MGAM2: variants seen among roughly 807,000 people sequenced by gnomAD.
MGAM2 encodes the protein probable maltase-glucoamylase 2.
In MGAM2, 98 loss-of-function variants were observed where a neutral mutation model predicts 96.1. The observed-to-expected ratio is 1.02, with a 90% confidence interval of 0.87 to 1.21. The LOEUF (loss-of-function observed/expected upper bound fraction) is 1.21. Among genes scored for constraint, MGAM2 ranks in the 50% most tolerant of loss-of-function variants. The pLI is 0.00. For missense variants in MGAM2, 2,055 were observed against 1,182.4 expected, an observed-to-expected ratio of 1.74 and a Z score of -10.82; for synonymous variants, 749 against 414.8, an observed-to-expected ratio of 1.81 and a Z score of -9.79.
At chr7:142,161,334 G>A (rs1465428571) in intron 22 of MGAM2, 121 bp downstream of exon 22, 3 of 526,526 alleles carry the variant, frequency 5.7e-6, no homozygotes, top group African/African-American at 3.8e-5. Flanking sequence ...CTGTAGCTGA[G>A]AATCAACGGG....
chr7:142,133,933 G>A (rs1448445435), intron 6 of MGAM2, 48 bp from the exon 7 acceptor site: 1 of 657,286 alleles, frequency 1.5e-6, no homozygotes, highest in Non-Finnish European at 2.8e-6. Context: ...CCTGGCAGAG[G>A]AAAGAGTGTT....
At chr7:142,175,092 A>G (rs1464296909) in intron 31 of MGAM2, among the ~76,000 whole-genome samples, 3 of 152,080 alleles carry the variant, frequency 2.0e-5, no homozygotes, top group African/African-American at 7.2e-5. Context: ...GTGGTGAGAG[A>G]GGACATCCTT....
chr7:142,116,393 A>G (rs985761745), intron 1 of MGAM2, among the ~76,000 whole-genome samples: 2 of 152,206 alleles, frequency 1.3e-5, no homozygotes, highest in African/African-American at 4.8e-5. Context: ...ACGTTTAAAC[A>G]GTCTCAACAG....
chr7:142,163,139 G>A (rs1016525750), intron 23 of MGAM2, among the ~76,000 whole-genome samples: 9 of 152,092 alleles, frequency 5.9e-5, no homozygotes, highest in African/African-American at 1.9e-4. Flanking sequence ...TTGCTGAGTG[G>A]TGTTCCAAGT....
intron 32 of MGAM2, among the ~76,000 whole-genome samples, chr7:142,178,516 G>C (rs1469154206): frequency 6.6e-6 from 1 of 152,082 alleles, no homozygotes; most frequent in African/African-American, 2.4e-5. Flanking sequence ...AATCTATCTT[G>C]AGTTAATTTT....
intron 46 of MGAM2, among the ~76,000 whole-genome samples, chr7:142,214,609 C>T (rs1797690366): frequency 6.6e-6 from 1 of 152,146 alleles, no homozygotes; most frequent in South Asian, 2.1e-4. Flanking sequence ...TGAAGGACCT[C>T]TTCAAGGAGA....
At chr7:142,175,877 T>C (rs943994771) in intron 32 of MGAM2, 97 bp downstream of exon 32, 15 of 642,710 alleles carry the variant, frequency 2.3e-5, no homozygotes, top group Non-Finnish European at 3.7e-5. Flanking sequence ...GTACCAGAAA[T>C]GTTCCTGTAC....
intron 12 of MGAM2, among the ~76,000 whole-genome samples, chr7:142,141,959 G>A (rs1337993651): frequency 6.6e-6 from 1 of 152,150 alleles, no homozygotes; most frequent in Non-Finnish European, 1.5e-5. Context: ...TCAATTATAT[G>A]TAGGGTCAGC....
At chr7:142,145,818 A>G (rs1017984044) in intron 14 of MGAM2, among the ~76,000 whole-genome samples, 2 of 152,086 alleles carry the variant, frequency 1.3e-5, no homozygotes, top group African/African-American at 4.8e-5. Flanking sequence ...ATTGGCCCAC[A>G]TTTCTTTGCT....
At chr7:142,215,011 C>A (rs1419511357) in intron 46 of MGAM2, among the ~76,000 whole-genome samples, 1 of 152,162 alleles carries the variant, frequency 6.6e-6, no homozygotes, top group East Asian at 1.9e-4. Context: ...AGTCTGTTTA[C>A]TGCAGCACTG....
At chr7:142,177,353 T>A (rs995913801) in intron 32 of MGAM2, among the ~76,000 whole-genome samples, 2 of 152,140 alleles carry the variant, frequency 1.3e-5, no homozygotes, top group African/African-American at 4.8e-5. Context: ...CCCCCGTGAT[T>A]CAATTACCTC....
intron 37 of MGAM2, among the ~76,000 whole-genome samples, chr7:142,191,970 T>C (rs1796885686): frequency 6.6e-6 from 1 of 152,210 alleles, no homozygotes; most frequent in Non-Finnish European, 1.5e-5. Flanking sequence ...GTCTTTTCTT[T>C]TATCCTTCTG....
chr7:142,188,155 G>A (rs1263448319), intron 36 of MGAM2, among the ~76,000 whole-genome samples: 3 of 129,580 alleles, frequency 2.3e-5, no homozygotes, highest in Admixed American at 7.4e-5. Context: ...CACACACGTG[G>A]AGAGATGTTC....
At position 142,120,346 on chromosome 7, in the gene MGAM2, A is replaced by G. The variant is rs1463873545; in HGVS notation, c.151A>G (p.Arg51Gly). Residue 51 changes from arginine to glycine, a missense_variant, in exon 3 of 48, where the codon AGG (arginine) becomes GGG (glycine). Physicochemically the swap from Arg to Gly is moderately radical, Grantham distance 125. Transcript: ENST00000477922. ...GTGCCCAGAGATTCCCCAGTCGGAA[A>G]GGATAGACTGCACACCTGACCAGGA... The part of the protein sequence containing the change: ...PECPEIPQSE[R>G]IDCTPDQEVT... The G allele has an allele frequency of 2.8e-6, 2 of 703,110 alleles. No individual in the cohort carries two copies. The highest frequency in any genetic ancestry group is 1.7e-5 in the African/African-American group (1 of 57,244). The allele number at this position is 703,110 out of a possible 1,614,324, so 43.6% of individuals were successfully genotyped here. A position where few individuals can be genotyped will look rare whatever the true frequency, so the allele number is the denominator to read the frequency against.
intron 29 of MGAM2, 90 bp from the exon 30 acceptor site, chr7:142,172,562 G>A (rs1014389523): frequency 1.7e-6 from 1 of 601,998 alleles, no homozygotes; most frequent in South Asian, 2.1e-5. Flanking sequence ...CAAAGACAGA[G>A]TATGAAGAAA....
At chr7:142,130,205 T>C (rs1050663165) in intron 3 of MGAM2, among the ~76,000 whole-genome samples, 1 of 152,226 alleles carries the variant, frequency 6.6e-6, no homozygotes, top group Non-Finnish European at 1.5e-5. Context: ...AGCAGAGATA[T>C]TGTGAATTTC....
At chr7:142,149,070 T>C (rs1274047910) in intron 15 of MGAM2, among the ~76,000 whole-genome samples, 3 of 151,994 alleles carry the variant, frequency 2.0e-5, no homozygotes, top group African/African-American at 4.8e-5. Flanking sequence ...TTACTAAAAA[T>C]AGAAAAATTA....
Position 142,196,166 on chromosome 7 carries a change from G to A in MGAM2, c.4359G>A (p.Glu1453=), listed in dbSNP as rs1280360939. ...CCCCTCCCACCAGAGCTGTGCAGGA[G>A]GTGACAGGACAGCGAGGGGTCATCA... ...QTRPTYEAVQ[E]VTGQRGVIIT... is the part of the protein sequence containing the mutation. Residue 1453 remains glutamate (E), a synonymous_variant, in exon 38 of 48, where the codon GAG becomes GAA. Transcript: ENST00000477922. 3 of 1,180,560 alleles carry A rather than the reference G, an allele frequency of 2.5e-6. No individual in the cohort carries two copies. The highest frequency in any genetic ancestry group is 1.5e-5 in the African/African-American group (1 of 66,144). The allele number at this position is 1,180,560 out of a possible 1,614,324, so 73.1% of individuals were successfully genotyped here. A position where few individuals can be genotyped will look rare whatever the true frequency, so the allele number is the denominator to read the frequency against.
In MGAM2 at chr7:142,154,829, A is replaced by T; in HGVS notation, c.1907A>T (p.Asn636Ile). Residue 636 changes from asparagine (N) to isoleucine (I), a missense_variant, in exon 17 of 48, where the codon AAT (asparagine) becomes ATT (isoleucine). Transcript: ENST00000477922. ...GAFYPLPRNH[N>I]GPGFRDQDPA... ...TTTTATCCACTACCAAGGAATCACA[A>T]TGGGCCTGGGTTCAGGGTAAGGTCA... is the stretch of plus-strand genomic sequence containing the variant. 1 of 703,370 alleles carries T rather than the reference A, an allele frequency of 1.4e-6. No homozygotes were observed. The allele number at this position is 703,370 out of a possible 1,614,324, so 43.6% of individuals were successfully genotyped here. A position where few individuals can be genotyped will look rare whatever the true frequency, so the allele number is the denominator to read the frequency against.
Sources: gnomAD v4.1 joint callset for allele counts (sites outside exome capture counted in the v4.1 genomes callset) on GRCh38, gnomAD v4.1.1 for gene constraint, MANE v1.5 for transcripts, NCBI Gene and HGNC (gene_info 2026-07-23, HGNC 2026-07-21) for gene names.